The following DNAH8 variants were observed in gnomAD, a reference collection of about 807,000 sequenced individuals.
DNAH8 encodes dynein axonemal heavy chain 8, also known as axonemal beta dynein heavy chain 8.
In DNAH8, 382 loss-of-function variants were observed where a neutral mutation model predicts 562.1. The observed-to-expected ratio is 0.68, with a 90% CI of 0.63 to 0.74. The LOEUF (loss-of-function observed/expected upper bound fraction) is 0.74. Ranked by LOEUF, DNAH8 falls within the 30% of genes least tolerant of loss-of-function variation. The pLI is 0.00. For missense variants in DNAH8, 5,203 were observed against 5,620.4 expected (o/e 0.93, Z 2.37); for synonymous variants, 1,881 against 1,919.4 (o/e 0.98, Z 0.52).
intron 82 of DNAH8, among the ~76,000 whole-genome samples, chr6:38,959,434 C>T (rs959310039): frequency 3.9e-5 from 6 of 152,038 alleles, no homozygotes; most frequent in African/African-American, 1.4e-4. Context: ...TTGTAGGATA[C>T]AAAGTCAATC....
Position 38,990,066 on chromosome 6 carries a change from A to G in DNAH8, c.13108A>G (p.Lys4370Glu). 1.2e-6 allele frequency: 2 copies of G among 1,600,170 alleles called. No homozygotes were observed. The highest frequency in any genetic ancestry group is 2.2e-5 in the South Asian group (2 of 90,778). Reference sequence around the variant, plus strand: ...GTCATTCTGCTTTTATACTGGATATAAAATCCCCTTATGCAAAACCTTAGA... The same window carrying G: ...GTCATTCTGCTTTTATACTGGATATGAAATCCCCTTATGCAAAACCTTAGA... ...EPSFCFYTGY[K>E]IPLCKTLDQY... The change falls in exon 88 of 93, where the codon AAA becomes GAA. Residue 4370 changes from lysine (K) to glutamate (E), a missense_variant. Around this residue, in one of 6 missense-constraint regions of DNAH8, gnomAD observed 1,399 missense variants for 1,518.4 expected, o/e 0.92. Coordinates refer to ENST00000327475, the MANE Select transcript of DNAH8 (RefSeq NM_001206927.2).
intron 87 of DNAH8, among the ~76,000 whole-genome samples, chr6:38,986,417 C>G: frequency 6.6e-6 from 1 of 152,124 alleles, no homozygotes; most frequent in Non-Finnish European, 1.5e-5. Context: ...GGACATATAT[C>G]AAGTACACTT....
At chr6:38,881,068 C>T (rs1454320883) in intron 53 of DNAH8, among the ~76,000 whole-genome samples, 1 of 152,120 alleles carries the variant, frequency 6.6e-6, no homozygotes, top group African/African-American at 2.4e-5. Context: ...GATATCATCA[C>T]ATAGCCACTG....
chr6:38,927,958 T>G (rs1782245397), intron 74 of DNAH8: 1 of 152,308 alleles, frequency 6.6e-6, no homozygotes, highest in East Asian at 1.9e-4. Flanking sequence ...TATTTTCTTA[T>G]GTGGATAAGC....
chr6:38,818,177 C>T (rs1178204643), intron 26 of DNAH8, among the ~76,000 whole-genome samples: 2 of 152,026 alleles, frequency 1.3e-5, no homozygotes, highest in Non-Finnish European at 2.9e-5. Context: ...TTTCCAAAGT[C>T]ACAAACCTAA....
chr6:38,744,514 C>T (rs1392669912), intron 8 of DNAH8: 1 of 152,008 alleles, frequency 6.6e-6, no homozygotes, highest in African/African-American at 2.4e-5. Context: ...ATTCATATTT[C>T]TTTTGTGAAT....
Position 38,750,477 on chromosome 6 carries a change from A to G in DNAH8, c.1295A>G (p.Asn432Ser). Residue 432 changes from asparagine (N) to serine (S), a missense_variant and splice_region_variant, in exon 9 of 93, where the codon AAT (asparagine) becomes AGT (serine). This residue lies in a region of DNAH8 where 2,176 missense variants were observed against 2,365.1 expected (regional missense o/e 0.92). Coordinates refer to ENST00000327475, the MANE Select transcript of DNAH8 (RefSeq NM_001206927.2). ...LNVAHSKLLKNWRDLDARITD... is the reference protein window; with the variant it reads ...LNVAHSKLLKSWRDLDARITD... ...AATTCTTATACCTTTTTTTCTTAGA[A>G]TTGGCGTGATTTGGATGCAAGAATC... The G allele has an allele frequency of 2.5e-6, 4 of 1,601,832 alleles. No individual in the cohort carries two copies. The highest frequency in any genetic ancestry group is 2.6e-6 in the Non-Finnish European group (3 of 1,172,750).
intron 82 of DNAH8, among the ~76,000 whole-genome samples, chr6:38,952,425 G>A (rs1222418605): frequency 6.6e-6 from 1 of 152,054 alleles, no homozygotes; most frequent in Non-Finnish European, 1.5e-5. Flanking sequence ...AAATCGGAAT[G>A]CTGTTGACAT....
intron 8 of DNAH8, among the ~76,000 whole-genome samples, chr6:38,743,625 A>G (rs1034437311): frequency 2.6e-5 from 4 of 152,096 alleles, no homozygotes; most frequent in African/African-American, 9.7e-5. Context: ...GGAATCATAG[A>G]TTCTTTGCCT....
At chr6:38,862,093 C>A (rs1022905758) in intron 43 of DNAH8, among the ~76,000 whole-genome samples, 187 bp from the exon 44 acceptor site, 7 of 151,974 alleles carry the variant, frequency 4.6e-5, no homozygotes, top group Non-Finnish European at 1.0e-4. Flanking sequence ...CTCAAGAAAT[C>A]TTTGGGCTCA....
intron 88 of DNAH8, among the ~76,000 whole-genome samples, chr6:39,006,279 G>C (rs1929902): frequency 6.6e-6 from 1 of 152,120 alleles, no homozygotes; most frequent in African/African-American, 2.4e-5. Flanking sequence ...GCAATAAATA[G>C]TATAGGTTTT....
chr6:38,896,462 T>A (rs1232486651), intron 60 of DNAH8, among the ~76,000 whole-genome samples: 1 of 151,694 alleles, frequency 6.6e-6, no homozygotes, highest in Non-Finnish European at 1.5e-5. Flanking sequence ...GTACTCCCAA[T>A]TACTCAGCAG....
At chr6:38,857,376 A>G in intron 41 of DNAH8, 142 bp from the exon 42 acceptor site, 1 of 619,732 alleles carries the variant, frequency 1.6e-6, no homozygotes. Context: ...TTAAAACTTT[A>G]ACTGTTTCCC....
At chr6:38,723,244 C>A (rs1402326548) in intron 2 of DNAH8, 45 bp downstream of exon 2, 1 of 1,577,796 alleles carries the variant, frequency 6.3e-7, no homozygotes, top group East Asian at 2.2e-5. Context: ...TTTTCCTTAT[C>A]AAATACGAAA....
intron 15 of DNAH8, among the ~76,000 whole-genome samples, chr6:38,780,500 T>G (rs1203249398): frequency 6.6e-6 from 1 of 151,556 alleles, no homozygotes; most frequent in African/African-American, 2.4e-5. Context: ...TGGAATGTTA[T>G]GCATCCAAAA....
chr6:38,974,907 T>C (rs1242693789), intron 85 of DNAH8, among the ~76,000 whole-genome samples: 1 of 152,190 alleles, frequency 6.6e-6, no homozygotes, highest in Non-Finnish European at 1.5e-5. Context: ...GCCAAGAATT[T>C]TATGTGCACC....
chr6:38,936,124 G>T (rs1282903865), intron 77 of DNAH8, among the ~76,000 whole-genome samples: 1 of 151,820 alleles, frequency 6.6e-6, no homozygotes, highest in East Asian at 1.9e-4. Flanking sequence ...CAAGGCGGGT[G>T]GATCACCTGA....
rs1346392064 is a variant in DNAH8, at chr6:38,844,691, A to G, written c.4846-883A>G. On this transcript the variant is annotated intron_variant, in intron 35 of 92. Transcript: ENST00000327475. Reference sequence around the variant, plus strand: ...AGTCTTGGTACTGTCTACCCCAGATACATCTAGTTGCTCAGCCACACATGC... The same window carrying G: ...AGTCTTGGTACTGTCTACCCCAGATGCATCTAGTTGCTCAGCCACACATGC... Among the ~76,000 whole-genome samples the G allele has an allele frequency of 2.0e-5, 3 of 152,136 alleles. 1 individual carries two copies. The highest frequency in any genetic ancestry group is 7.2e-5 in the African/African-American group (3 of 41,438).
intron 62 of DNAH8, among the ~76,000 whole-genome samples, chr6:38,905,678 G>A (rs985471361): frequency 1.3e-5 from 2 of 152,104 alleles, no homozygotes; most frequent in Non-Finnish European, 1.5e-5. Flanking sequence ...TCCCACTTAT[G>A]CTTTGTGGAT....
Sources: allele counts gnomAD v4.1 joint callset (sites outside exome capture counted in the v4.1 genomes callset), GRCh38; gene constraint gnomAD v4.1.1; regional missense constraint gnomAD v4.1.1; transcripts MANE v1.5; gene names NCBI Gene and HGNC (gene_info 2026-07-23, HGNC 2026-07-21).